The following SPATA18 variants were observed in gnomAD, a reference collection of about 807,000 sequenced individuals.
The protein encoded by SPATA18 is spermatogenesis associated 18, also known as mitochondria-eating protein.
A neutral mutation model predicts 68.1 loss-of-function variants in SPATA18; 54 were observed. That is an observed-to-expected ratio of 0.79 (90% CI 0.64 to 0.99). The LOEUF (loss-of-function observed/expected upper bound fraction) is 0.99. Ranked by LOEUF, SPATA18 falls within the 50% of genes least tolerant of loss-of-function variation. The probability of loss-of-function intolerance (pLI) is 0.00; values close to 1 mark genes in which losing one functional copy is unlikely to be tolerated. For synonymous variants in SPATA18, 242 were observed against 244.8 expected, an observed-to-expected ratio of 0.99 and a Z score of 0.11; for missense variants, 724 against 681.1, an observed-to-expected ratio of 1.06 and a Z score of -0.70.
At chr4:52,058,010 C>T (rs968168919) in intron 1 of SPATA18, among the ~76,000 whole-genome samples, 1 of 152,192 alleles carries the variant, frequency 6.6e-6, no homozygotes, top group Admixed American at 6.5e-5. Flanking sequence ...CCACTTAGCA[C>T]ATGGAATGAT....
intron 4 of SPATA18, among the ~76,000 whole-genome samples, chr4:52,065,657 C>T (rs1199571267): frequency 2.0e-5 from 3 of 152,202 alleles, no homozygotes; most frequent in Non-Finnish European, 4.4e-5. Context: ...GTAGCCAGCT[C>T]TCTCTTCCCT....
intron 6 of SPATA18, among the ~76,000 whole-genome samples, chr4:52,074,419 A>G (rs1259168806): frequency 1.3e-5 from 2 of 152,194 alleles, no homozygotes; most frequent in East Asian, 3.8e-4. Flanking sequence ...AGGAAAAGTC[A>G]TGGTAATGTC....
intron 10 of SPATA18, among the ~76,000 whole-genome samples, chr4:52,083,870 A>T (rs1203673945): frequency 6.6e-6 from 1 of 151,264 alleles, no homozygotes; most frequent in Non-Finnish European, 1.5e-5. Context: ...CCTCCTAAGT[A>T]GCTGGGATTA....
rs61384572 is a variant in SPATA18 at position 52,070,044 on chromosome 4, A to G, written c.518+128A>G. ...ATGCAGAAATATTTTTATTAATTAT[A>G]TATATATATATATTTACTACAAAGA... On this transcript the variant is annotated intron_variant, in intron 5 of 12. Coordinates refer to ENST00000295213, the MANE Select transcript of SPATA18 (RefSeq NM_145263.4). 4 of 227,770 alleles carry G rather than the reference A, an allele frequency of 1.8e-5. No individual in the cohort carries two copies. In the East Asian group the frequency reaches 3.8e-4, roughly 22 times the overall value. 14.1% of individuals were successfully genotyped at this position (227,770 alleles called of 1,614,324 possible).
chr4:52,094,795 A>T (rs1742291780), intron 12 of SPATA18, 85 bp from the exon 13 acceptor site: 1 of 1,568,836 alleles, frequency 6.4e-7, no homozygotes, highest in Admixed American at 1.7e-5. Flanking sequence ...ATAAACCTAG[A>T]TTAACCGCCT....
Position 52,060,359 on chromosome 4 carries a change from T to C in SPATA18, c.88-60T>C, listed in dbSNP as rs191477749. 115 of 1,423,616 alleles carry C rather than the reference T, an allele frequency of 8.1e-5. No individual in the cohort carries two copies. In the African/African-American group the frequency reaches 1.3e-3, roughly 16 times the overall value. 88.2% of individuals were successfully genotyped at this position (1,423,616 alleles called of 1,614,324 possible). ...GTGGGTCAAGTGAGGCCCTGGTCTG[T>C]CTGCAGTGGGTCCCAGAGTGAAGTA... On this transcript the variant is annotated intron_variant, in intron 1 of 12. Transcript: ENST00000295213.
intron 11 of SPATA18, among the ~76,000 whole-genome samples, chr4:52,092,712 C>T (rs1443247244): frequency 6.6e-6 from 1 of 152,176 alleles, no homozygotes; most frequent in African/African-American, 2.4e-5. Context: ...GTGACTCCTG[C>T]ATGCTCCTTA....
At chr4:52,064,667 C>T (rs1739168715) in intron 4 of SPATA18, among the ~76,000 whole-genome samples, 1 of 152,090 alleles carries the variant, frequency 6.6e-6, no homozygotes, top group South Asian at 2.1e-4. Context: ...TTTCTTTATC[C>T]ACTCCTTGGT....
intron 10 of SPATA18, 136 bp downstream of exon 10, chr4:52,082,646 A>T: frequency 1.3e-6 from 2 of 1,559,482 alleles, no homozygotes; most frequent in East Asian, 2.3e-5. Flanking sequence ...GAGGTCGGAG[A>T]TGATCTCAAG....
intron 10 of SPATA18, 116 bp downstream of exon 10, chr4:52,082,626 A>C: frequency 6.3e-7 from 1 of 1,595,574 alleles, no homozygotes; most frequent in Non-Finnish European, 8.5e-7. Context: ...ATAAGATTTC[A>C]TACAAAGGAG....
At chr4:52,091,597 T>G (rs898999659) in intron 11 of SPATA18, among the ~76,000 whole-genome samples, 5 of 152,172 alleles carry the variant, frequency 3.3e-5, no homozygotes, top group African/African-American at 1.2e-4. Context: ...GTATCACCAG[T>G]GGAGGCTGCA....
At chr4:52,051,944 G>A (rs1223236955) in intron 1 of SPATA18, among the ~76,000 whole-genome samples, 153 bp downstream of exon 1, 1 of 152,180 alleles carries the variant, frequency 6.6e-6, no homozygotes, top group Non-Finnish European at 1.5e-5. Context: ...GACCGGGATC[G>A]CTGGGGAAGG....
rs781752203 is a variant in SPATA18, at chr4:52,069,900, A to T, written c.502A>T (p.Asn168Tyr). 2 of 1,591,044 alleles carry T rather than the reference A, an allele frequency of 1.3e-6. No homozygotes were observed. Among genetic ancestry groups the T allele is most frequent in the South Asian group, 2.3e-5 (2 of 86,812 alleles). ...CCTTTTGGCTGCAGAGGAGGAAATA[A>T]ATCAGCTGAAAAAGCAGTAAGAAAA... ...ISLLAAEEEI[N>Y]QLKKQLKSLQ... is the part of the protein sequence containing the mutation. Residue 168 changes from asparagine (N) to tyrosine (Y), a missense_variant, in exon 5 of 13, where the codon AAT becomes TAT. Transcript: ENST00000295213.
intron 1 of SPATA18, among the ~76,000 whole-genome samples, chr4:52,057,339 A>G (rs1376284900): frequency 1.3e-5 from 2 of 152,166 alleles, no homozygotes; most frequent in Non-Finnish European, 2.9e-5. Flanking sequence ...TTGTGTGGGT[A>G]TGTAAGTATG....
At position 52,051,618 on chromosome 4, in the gene SPATA18, C is replaced by A; in HGVS notation, c.-87C>A. 8.1e-7 allele frequency: 1 copy of A among 1,237,412 alleles called. No individual in the cohort carries two copies. Among genetic ancestry groups the A allele is most frequent in the Non-Finnish European group, 1.2e-6 (1 of 838,950 alleles). 76.7% of individuals were successfully genotyped at this position (1,237,412 alleles called of 1,614,324 possible). On this transcript the variant is annotated 5_prime_UTR_variant, in exon 1 of 13. Transcript: ENST00000295213. ...CCCCAGAAGAGAACACCCTTCCCGC[C>A]ATATCACCCCACGGTCCTGCGGAGG...
chr4:52,075,285 G>A (rs1425471697), intron 6 of SPATA18, among the ~76,000 whole-genome samples: 3 of 152,138 alleles, frequency 2.0e-5, no homozygotes, highest in African/African-American at 7.2e-5. Context: ...TTATGGGGAC[G>A]AGCCTTGGGG....
intron 4 of SPATA18, 45 bp from the exon 5 acceptor site, chr4:52,069,776 G>A: frequency 6.9e-7 from 1 of 1,442,624 alleles, no homozygotes; most frequent in Non-Finnish European, 9.3e-7. Flanking sequence ...TAGAAAGTCT[G>A]CCAATTTTGA....
At chr4:52,052,337 T>C (rs985232144) in intron 1 of SPATA18, among the ~76,000 whole-genome samples, 16 of 152,188 alleles carry the variant, frequency 1.1e-4, no homozygotes, top group African/African-American at 3.9e-4. Flanking sequence ...CTGGTGGGCC[T>C]GGAAATTGAG....
intron 8 of SPATA18, 120 bp downstream of exon 8, chr4:52,079,013 A>G: frequency 1.8e-6 from 2 of 1,110,840 alleles, no homozygotes; most frequent in Non-Finnish European, 1.2e-6. Flanking sequence ...GAAAAAGAAG[A>G]AAGGAACAGC....
Sources: gnomAD v4.1 joint callset for allele counts (sites outside exome capture counted in the v4.1 genomes callset) on GRCh38, gnomAD v4.1.1 for gene constraint, MANE v1.5 for transcripts, NCBI Gene and HGNC (gene_info 2026-07-23, HGNC 2026-07-21) for gene names.